ZNF784: variants seen among roughly 807,000 people sequenced by gnomAD.
ZNF784 encodes the protein zinc finger protein 784.
Under a neutral mutation model 3.3 loss-of-function variants are expected in ZNF784, and 5 were observed. The ratio of observed to expected loss-of-function variants is 1.53; its 90% CI spans 0.80 to 3.22. The LOEUF (loss-of-function observed/expected upper bound fraction) is 3.22, where lower values mean the gene tolerates loss of function less well. ZNF784 is among the 30% of genes most tolerant of loss of function. The pLI, the probability that ZNF784 is intolerant of heterozygous loss-of-function variation, is 0.00. For missense variants in ZNF784, 501 were observed against 480.7 expected (o/e 1.04, Z -0.39); for synonymous variants, 231 against 219.6 (o/e 1.05, Z -0.46).
At chr19:55,624,418 C>T (rs1471704309) in intron 1 of ZNF784, 66 bp downstream of exon 1, 6 of 1,455,804 alleles carry the variant, frequency 4.1e-6, no homozygotes, top group Non-Finnish European at 5.6e-6. Context: ...CGCCCCGGAC[C>T]CGCCCCCCAC....
chr19:55,621,621 A>C lies in ZNF784; in HGVS notation c.*130T>G. The C allele has an allele frequency of 8.0e-7, 1 of 1,247,280 alleles. No homozygotes were observed. The highest frequency in any genetic ancestry group is 1.1e-6 in the Non-Finnish European group (1 of 906,376). The allele number at this position is 1,247,280 out of a possible 1,614,324, so 77.3% of individuals were successfully genotyped here. A position where few individuals can be genotyped will look rare whatever the true frequency, so the allele number is the denominator to read the frequency against. ...TCTCCATCACTAGCGGCTCACAACC[A>C]TCCCTGCAGCTGTCATCTCTCCCCC... On this transcript the variant is annotated 3_prime_UTR_variant, in exon 2 of 2. Coordinates refer to ENST00000325351, the MANE Select transcript of ZNF784 (RefSeq NM_203374.2). This position sits in a 1 kb window ranked among gnomAD's most constrained non-coding sequence, Gnocchi z 4.1.
Position 55,622,270 on chromosome 19 carries a change from G to A in ZNF784, c.453C>T (p.His151=), listed in dbSNP as rs1981592657. 6.5e-7 allele frequency: 1 copy of A among 1,532,872 alleles called. No individual in the cohort carries two copies. The highest frequency in any genetic ancestry group is 2.4e-5 in the East Asian group (1 of 40,844). The allele number at this position is 1,532,872 out of a possible 1,614,324, so 95.0% of individuals were successfully genotyped here. A position where few individuals can be genotyped will look rare whatever the true frequency, so the allele number is the denominator to read the frequency against. ...LAPLLRHQHR[H]GVEPGTSRRP... is the part of the protein sequence containing the mutation. ...TCCGAGAGGTGCCCGGCTCCACCCC[G>A]TGCCGGTGCTGGTGCCGGAGCAGGG... Residue 151 remains histidine, a synonymous_variant, in exon 2 of 2, where the codon CAC becomes CAT. Coordinates refer to ENST00000325351, the MANE Select transcript of ZNF784 (RefSeq NM_203374.2). The surrounding 1 kb of genome is among the most constrained non-coding windows in gnomAD (Gnocchi z 5.9).
rs770151777 is a variant in ZNF784 at position 55,622,103 on chromosome 19, C to A, written c.620G>T (p.Arg207Leu). The change falls in exon 2 of 2, where the codon CGC becomes CTC. Residue 207 changes from arginine (R) to leucine (L), a missense_variant. Physicochemically the swap from Arg to Leu is moderately radical, Grantham distance 102. Coordinates refer to ENST00000325351, the MANE Select transcript of ZNF784 (RefSeq NM_203374.2). The surrounding 1 kb of genome is among the most constrained non-coding windows in gnomAD (Gnocchi z 5.9). ...ACRFCAKPFR[R>L]SSDMRDHERV... Reference sequence around the variant, plus strand: ...CTCGTGGTCTCGCATGTCTGAGGAGCGGCGGAAGGGCTTGGCGCAGAACCT... The same window carrying A: ...CTCGTGGTCTCGCATGTCTGAGGAGAGGCGGAAGGGCTTGGCGCAGAACCT... 9.6e-6 allele frequency: 15 copies of A among 1,565,406 alleles called. No homozygotes were observed. In the African/African-American group the frequency reaches 1.5e-4, roughly 15 times the overall value.
chr19:55,624,151 C>CT (rs1981660850), intron 1 of ZNF784, among the ~76,000 whole-genome samples: 1 of 152,096 alleles, frequency 6.6e-6, no homozygotes, highest in Admixed American at 6.5e-5. Context: ...GGCCCCGCCC[C>CT]TTACAAGGCT....
chr19:55,624,480 G>C lies in ZNF784; in HGVS notation c.78+4C>G, dbSNP rs1368445031. ...CCACGCCCAGGCCCCTTCCTTGCCC[G>C]CACCAGGTCCAGTGGCTCCTGGGAT... On this transcript the variant is annotated splice_donor_region_variant and intron_variant, in intron 1 of 1. Coordinates refer to ENST00000325351, the MANE Select transcript of ZNF784 (RefSeq NM_203374.2). 27 of 1,590,134 alleles carry C rather than the reference G, an allele frequency of 1.7e-5. No individual in the cohort carries two copies. The highest frequency in any genetic ancestry group is 2.3e-5 in the Non-Finnish European group (27 of 1,169,012).
At position 55,621,539 on chromosome 19, in the gene ZNF784, C is replaced by G; in HGVS notation, c.*212G>C. ...GAGCTGCACCTGTCCTCTCCTAGGCCTGGCAGAGGTGCTGTGTGGGCGTGT... is the reference window on the plus strand; with the variant it reads ...GAGCTGCACCTGTCCTCTCCTAGGCGTGGCAGAGGTGCTGTGTGGGCGTGT... On this transcript the variant is annotated 3_prime_UTR_variant, in exon 2 of 2. Transcript: ENST00000325351. This position sits in a 1 kb window ranked among gnomAD's most constrained non-coding sequence, Gnocchi z 4.1. The G allele has an allele frequency of 2.9e-6, 2 of 678,836 alleles. No homozygotes were observed. The highest frequency in any genetic ancestry group is 4.9e-6 in the Non-Finnish European group (2 of 408,686). The allele number at this position is 678,836 out of a possible 1,614,324, so 42.1% of individuals were successfully genotyped here.
intron 1 of ZNF784, 90 bp downstream of exon 1, chr19:55,624,394 C>A (rs1004103769): frequency 8.8e-6 from 10 of 1,134,942 alleles, no homozygotes; most frequent in African/African-American, 3.2e-5. Context: ...CCTCGCCCAC[C>A]CCCTCATAGG....
rs770518867 is a variant in ZNF784, at chr19:55,622,285, C to T, written c.438G>A (p.Arg146=). ...GCTCCACCCCGTGCCGGTGCTGGTG[C>T]CGGAGCAGGGGCGCCAAGGCCTTGA... ...RAFKALAPLL[R]HQHRHGVEPG... is the part of the protein sequence containing the mutation. Residue 146 remains arginine, a synonymous_variant, in exon 2 of 2, where the codon CGG becomes CGA. Coordinates refer to ENST00000325351, the MANE Select transcript of ZNF784 (RefSeq NM_203374.2). The surrounding 1 kb of genome is among the most constrained non-coding windows in gnomAD (Gnocchi z 5.9). 3.3e-6 allele frequency: 5 copies of T among 1,527,662 alleles called. No individual in the cohort carries two copies. In the South Asian group the frequency reaches 4.8e-5, roughly 15 times the overall value. 94.6% of individuals were successfully genotyped at this position (1,527,662 alleles called of 1,614,324 possible).
chr19:55,623,175 TAGAC>T (rs1981630777), intron 1 of ZNF784, among the ~76,000 whole-genome samples: 1 of 152,272 alleles, frequency 6.6e-6, no homozygotes, highest in South Asian at 2.1e-4. Flanking sequence ...GACTCCATCT[TAGAC>T]AGCAAAACAA....
At position 55,621,884 on chromosome 19, in the gene ZNF784, G is replaced by C. The variant is rs766816187; in HGVS notation, c.839C>G (p.Pro280Arg). Reference sequence around the variant, plus strand: ...CTGGCCTCCAGAGTCTCCCAGCCCCGGCCCCGGCCCGTGGAAGTGGGTGCG... The same window carrying C: ...CTGGCCTCCAGAGTCTCCCAGCCCCCGCCCCGGCCCGTGGAAGTGGGTGCG... ...HQRTHFHGPGPGLGDSGGQLG... is the reference protein window; with the variant it reads ...HQRTHFHGPGRGLGDSGGQLG... Residue 280 changes from proline (P) to arginine (R), a missense_variant, in exon 2 of 2, where the codon CCG becomes CGG. Physicochemically the swap from Pro to Arg is moderately radical, Grantham distance 103 (BLOSUM62 -2). Transcript: ENST00000325351. This position sits in a 1 kb window ranked among gnomAD's most constrained non-coding sequence, Gnocchi z 4.1. 1.8e-5 allele frequency: 26 copies of C among 1,457,960 alleles called. No homozygotes were observed. The highest frequency in any genetic ancestry group is 3.7e-6 in the Non-Finnish European group (4 of 1,093,946). 90.3% of individuals were successfully genotyped at this position (1,457,960 alleles called of 1,614,324 possible).
At position 55,622,354 on chromosome 19, in the gene ZNF784, G is replaced by A; in HGVS notation, c.369C>T (p.His123=). ...PASLRAHYSL[H]TGERPYRCAL... Reference sequence around the variant, plus strand: ...CGCAGCGGTAGGGCCGCTCCCCCGTGTGCAAGCTGTAGTGCGCGCGCAGGC... The same window carrying A: ...CGCAGCGGTAGGGCCGCTCCCCCGTATGCAAGCTGTAGTGCGCGCGCAGGC... The change falls in exon 2 of 2, where the codon CAC becomes CAT. Residue 123 remains histidine, a synonymous_variant. Coordinates refer to ENST00000325351, the MANE Select transcript of ZNF784 (RefSeq NM_203374.2). The surrounding 1 kb of genome is among the most constrained non-coding windows in gnomAD (Gnocchi z 5.9). 6 of 1,522,568 alleles carry A rather than the reference G, an allele frequency of 3.9e-6. No homozygotes were observed. The African/African-American group carries it at 4.2e-5, about 11-fold the overall frequency. 94.3% of individuals were successfully genotyped at this position (1,522,568 alleles called of 1,614,324 possible).
intron 1 of ZNF784, among the ~76,000 whole-genome samples, chr19:55,623,313 C>T (rs1028622269): frequency 6.6e-6 from 1 of 152,218 alleles, no homozygotes. Flanking sequence ...GGATTGCAGG[C>T]GTGAGCCGCC....
chr19:55,621,967 G>A lies in ZNF784; in HGVS notation c.756C>T (p.Phe252=), dbSNP rs1981573935. The A allele has an allele frequency of 1.3e-6, 2 of 1,595,268 alleles. No homozygotes were observed. The highest frequency in any genetic ancestry group is 1.7e-6 in the Non-Finnish European group (2 of 1,177,810). Residue 252 remains phenylalanine (F), a synonymous_variant, in exon 2 of 2, where the codon TTC becomes TTT. Transcript: ENST00000325351. The surrounding 1 kb of genome is among the most constrained non-coding windows in gnomAD (Gnocchi z 4.1). ...HARIHTGERP[F]RCTLCDRTFN... ...AGGTGCGGTCGCAGAGCGTGCAGCG[G>A]AACGGGCGCTCGCCAGTGTGGATGC...
At position 55,622,127 on chromosome 19, in the gene ZNF784, C is replaced by T. The variant is rs1038853777; in HGVS notation, c.596G>A (p.Arg199Lys). ...GCGGCGGAAGGGCTTGGCGCAGAAC[C>T]TGCAGGCAAAAGGCTTCCCCACCGC... is the stretch of plus-strand genomic sequence containing the variant. ...GAAVGKPFAC[R>K]FCAKPFRRSS... The change falls in exon 2 of 2, where the codon AGG (arginine) becomes AAG (lysine). Residue 199 changes from arginine (R) to lysine (K), a missense_variant. Transcript: ENST00000325351. This position sits in a 1 kb window ranked among gnomAD's most constrained non-coding sequence, Gnocchi z 5.9. The T allele has an allele frequency of 3.2e-6, 5 of 1,547,242 alleles. No homozygotes were observed. In the Admixed American group the frequency reaches 7.7e-5, roughly 24 times the overall value.
At chr19:55,624,178 A>G (rs1981662478) in intron 1 of ZNF784, among the ~76,000 whole-genome samples, 1 of 151,428 alleles carries the variant, frequency 6.6e-6, no homozygotes, top group South Asian at 2.1e-4. Flanking sequence ...AAATTATGCA[A>G]ATTATCCCTG....
chr19:55,622,040 A>G lies in ZNF784; in HGVS notation c.683T>C (p.Ile228Thr). The G allele has an allele frequency of 6.3e-7, 1 of 1,592,534 alleles. No homozygotes were observed. Among genetic ancestry groups the G allele is most frequent in the South Asian group, 1.1e-5 (1 of 89,834 alleles). Reference sequence around the variant, plus strand: ...GGACTGGGTGAAGCCCTTGCCGCAGATGCCGCAATGGTATGGCCGCTCGCC... The same window carrying G: ...GGACTGGGTGAAGCCCTTGCCGCAGGTGCCGCAATGGTATGGCCGCTCGCC... ...HTGERPYHCG[I>T]CGKGFTQSSV... Residue 228 changes from isoleucine (I) to threonine (T), a missense_variant, in exon 2 of 2, where the codon ATC becomes ACC. Transcript: ENST00000325351. The surrounding 1 kb of genome is among the most constrained non-coding windows in gnomAD (Gnocchi z 5.9).
rs1981546956 is a variant in ZNF784, at chr19:55,621,472, C to T, written c.*279G>A. 5.4e-6 allele frequency: 3 copies of T among 556,406 alleles called. No individual in the cohort carries two copies. Among genetic ancestry groups the T allele is most frequent in the Non-Finnish European group, 9.7e-6 (3 of 310,220 alleles). 34.5% of individuals were successfully genotyped at this position (556,406 alleles called of 1,614,324 possible). On this transcript the variant is annotated 3_prime_UTR_variant, in exon 2 of 2. Coordinates refer to ENST00000325351, the MANE Select transcript of ZNF784 (RefSeq NM_203374.2). The surrounding 1 kb of genome is among the most constrained non-coding windows in gnomAD (Gnocchi z 4.1). ...AGACAGTCGGGGAAGTGACATCCAG[C>T]CCGTGGGCCTTGCCTTTGGCCGCAC...
At chr19:55,623,670 C>T (rs1201943743) in intron 1 of ZNF784, among the ~76,000 whole-genome samples, 3 of 152,156 alleles carry the variant, frequency 2.0e-5, no homozygotes, top group East Asian at 3.8e-4. Flanking sequence ...AAACATAAGC[C>T]GGCACCCAGC....
rs1008792810 is a variant in ZNF784, at chr19:55,621,495, C to T, written c.*256G>A. 2.4e-5 allele frequency: 14 copies of T among 589,458 alleles called. No individual in the cohort carries two copies. The highest frequency in any genetic ancestry group is 3.0e-6 in the Non-Finnish European group (1 of 335,064). The allele number at this position is 589,458 out of a possible 1,614,324, so 36.5% of individuals were successfully genotyped here. ...AGCCCGTGGGCCTTGCCTTTGGCCGCACACCCGCAGAGCTGCAAGAGCTGC... is the reference window on the plus strand; with the variant it reads ...AGCCCGTGGGCCTTGCCTTTGGCCGTACACCCGCAGAGCTGCAAGAGCTGC... On this transcript the variant is annotated 3_prime_UTR_variant, in exon 2 of 2. Coordinates refer to ENST00000325351, the MANE Select transcript of ZNF784 (RefSeq NM_203374.2). The surrounding 1 kb of genome is among the most constrained non-coding windows in gnomAD (Gnocchi z 4.1).
Sources: gnomAD v4.1 joint callset for allele counts (sites outside exome capture counted in the v4.1 genomes callset) on GRCh38, gnomAD v4.1.1 for gene constraint, Gnocchi (gnomAD v3.1) non-coding constraint, MANE v1.5 for transcripts, NCBI Gene and HGNC (gene_info 2026-07-23, HGNC 2026-07-21) for gene names.